APC: variants seen among roughly 807,000 people sequenced by gnomAD.
The protein encoded by APC is adenomatous polyposis coli protein.
In APC, 72 loss-of-function variants were observed where a neutral mutation model predicts 247.0. The ratio of observed to expected loss-of-function variants is 0.29; its 90% CI spans 0.24 to 0.35. APC has a LOEUF of 0.35. Ranked by LOEUF, APC falls within the 10% of genes least tolerant of loss-of-function variation. The probability of loss-of-function intolerance (pLI) is 1.00; values close to 1 mark genes in which losing one functional copy is unlikely to be tolerated. For missense variants in APC, 3,400 were observed against 3,360.7 expected (o/e 1.01, Z -0.29); for synonymous variants, 1,254 against 1,162.5 (o/e 1.08, Z -1.60).
At chr5:112,747,265 G>A (rs1161600932) in intron 1 of APC, among the ~76,000 whole-genome samples, 1 of 152,158 alleles carries the variant, frequency 6.6e-6, no homozygotes, top group Non-Finnish European at 1.5e-5. Flanking sequence ...TGGAAAATTT[G>A]ATTGCAGAGG....
chr5:112,821,777 C>T, intron 10 of APC, 119 bp from the exon 11 acceptor site: 2 of 735,746 alleles, frequency 2.7e-6, no homozygotes, highest in Non-Finnish European at 4.7e-6. Context: ...TTTGTTGATC[C>T]ACTAAAATTC....
At chr5:112,792,789 GTTAAC>G (rs564025841) in intron 7 of APC, among the ~76,000 whole-genome samples, 137 of 152,216 alleles carry the variant, frequency 9.0e-4, no homozygotes, top group African/African-American at 3.1e-3. Context: ...TAATCAAATA[GTTAAC>G]TTAATTTGGC....
intron 15 of APC, among the ~76,000 whole-genome samples, chr5:112,836,662 T>A (rs986627522): frequency 6.6e-6 from 1 of 152,228 alleles, no homozygotes; most frequent in African/African-American, 2.4e-5. Flanking sequence ...CTTGATTTTT[T>A]AAAAATAATA....
chr5:112,832,161 T>C (rs1252630112), intron 14 of APC, among the ~76,000 whole-genome samples: 1 of 152,248 alleles, frequency 6.6e-6, no homozygotes, highest in East Asian at 1.9e-4. Flanking sequence ...ATTTGAACTA[T>C]AAAAACATTT....
intron 8 of APC, among the ~76,000 whole-genome samples, chr5:112,812,476 C>G (rs950282666): frequency 1.3e-5 from 2 of 152,190 alleles, no homozygotes; most frequent in Admixed American, 6.5e-5. Flanking sequence ...TTCTGCCTCC[C>G]CTTCCTCTCC....
chr5:112,773,014 A>G (rs1462768447), intron 4 of APC, among the ~76,000 whole-genome samples: 1 of 152,178 alleles, frequency 6.6e-6, no homozygotes, highest in Non-Finnish European at 1.5e-5. Flanking sequence ...GGCTTTCTGC[A>G]GTGCTTTCTC....
intron 8 of APC, among the ~76,000 whole-genome samples, chr5:112,804,804 G>C (rs1421701543): frequency 6.6e-6 from 1 of 152,034 alleles, no homozygotes; most frequent in African/African-American, 2.4e-5. Flanking sequence ...GTTCAACCTG[G>C]GCAACATAGG....
intron 11 of APC, among the ~76,000 whole-genome samples, chr5:112,824,365 C>A (rs536789372): frequency 8.5e-5 from 13 of 152,188 alleles, no homozygotes; most frequent in Non-Finnish European, 1.5e-4. Context: ...GAATTCTATT[C>A]TGTGCCTCAA....
At chr5:112,737,787 C>T (rs1752494607), upstream of APC, 6 of 956,306 alleles carry the variant, frequency 6.3e-6, no homozygotes, top group South Asian at 4.8e-5. Context: ...GGATGCGGAC[C>T]AGGGCGCTCC....
chr5:112,825,445 C>T (rs1440514252), intron 11 of APC, among the ~76,000 whole-genome samples: 1 of 152,228 alleles, frequency 6.6e-6, no homozygotes, highest in East Asian at 1.9e-4. Context: ...TTTATAGCCT[C>T]ATTTTGTGGC....
At chr5:112,766,585 G>T (rs1756363426) in intron 3 of APC, among the ~76,000 whole-genome samples, 175 bp downstream of exon 3, 1 of 152,152 alleles carries the variant, frequency 6.6e-6, no homozygotes, top group Non-Finnish European at 1.5e-5. Flanking sequence ...AAATGTATTT[G>T]TGTGTCATTT....
intron 2 of APC, among the ~76,000 whole-genome samples, chr5:112,764,042 C>T (rs1036622052): frequency 6.6e-6 from 1 of 150,628 alleles, no homozygotes; most frequent in Non-Finnish European, 1.5e-5. Flanking sequence ...TCGAGACCAT[C>T]CTGGCTAACA....
At chr5:112,813,487 C>T (rs1762180761) in intron 8 of APC, among the ~76,000 whole-genome samples, 1 of 151,936 alleles carries the variant, frequency 6.6e-6, no homozygotes, top group Admixed American at 6.6e-5. Context: ...CTGTATGAGC[C>T]CTTAATTATT....
At chr5:112,803,758 A>C (rs1761082358) in intron 8 of APC, among the ~76,000 whole-genome samples, 4 of 152,224 alleles carry the variant, frequency 2.6e-5, no homozygotes, top group Middle Eastern at 3.2e-3. Flanking sequence ...TATATGGTGC[A>C]TCCATGCAAA....
intron 4 of APC, 107 bp from the exon 5 acceptor site, chr5:112,775,522 G>C (rs1757527131): frequency 6.3e-6 from 4 of 637,466 alleles, no homozygotes; most frequent in South Asian, 6.3e-5. Context: ...TTCATTATTA[G>C]CACTTTAGGT....
At position 112,818,933 on chromosome 5, in the gene APC, G is replaced by A. The variant is rs557253061; in HGVS notation, c.934-33G>A. The A allele has an allele frequency of 1.4e-5, 22 of 1,610,174 alleles. No homozygotes were observed. Among genetic ancestry groups the A allele is most frequent in the East Asian group, 2.2e-5 (1 of 44,744 alleles). On this transcript the variant is annotated intron_variant, in intron 9 of 15. Transcript: ENST00000257430. ...TTTTTGGCTTTTGGATATTAAAGTC[G>A]TAATTTTGTTTCTAAACTCATTTGG...
intron 2 of APC, among the ~76,000 whole-genome samples, chr5:112,759,774 T>G (rs187293495): frequency 2.0e-5 from 3 of 152,368 alleles, no homozygotes; most frequent in Middle Eastern, 3.4e-3. Context: ...CAAATGAATA[T>G]TCTCTCCTTC....
intron 1 of APC, among the ~76,000 whole-genome samples, chr5:112,749,519 C>G (rs968205909): frequency 1.6e-4 from 20 of 122,094 alleles, no homozygotes; most frequent in Non-Finnish European, 3.2e-4. Flanking sequence ...GAGTCTTGCT[C>G]TGTCACCCAG....
chr5:112,811,411 C>T lies in APC; in HGVS notation c.835-4084C>T, dbSNP rs1761969851. 2.0e-5 allele frequency among the ~76,000 whole-genome samples: 3 copies of T among 152,186 alleles called. No homozygotes were observed. The South Asian group carries it at 6.2e-4, about 31-fold the overall frequency. ...TAATCATTTCTTGTGGATAGGGAGA[C>T]TCTAGTCCCTCCGAAAGAAGTTGGC... On this transcript the variant is annotated intron_variant, in intron 8 of 15. Coordinates refer to ENST00000257430, the MANE Select transcript of APC (RefSeq NM_000038.6).
Sources: gnomAD v4.1 joint callset for allele counts (sites outside exome capture counted in the v4.1 genomes callset) on GRCh38, gnomAD v4.1.1 for gene constraint, MANE v1.5 for transcripts, NCBI Gene and HGNC (gene_info 2026-07-23, HGNC 2026-07-21) for gene names.